Variants in RB1CC1 observed in about 807,000 individuals in gnomAD.
RB1CC1 encodes RB1 inducible coiled-coil 1, also known as RB1-inducible coiled-coil protein 1.
A neutral mutation model predicts 177.5 loss-of-function variants in RB1CC1; 46 were observed. That is an observed-to-expected ratio of 0.26 (90% CI 0.20 to 0.33). The LOEUF is 0.33. Ranked by LOEUF, RB1CC1 falls within the 10% of genes least tolerant of loss-of-function variation. RB1CC1 has a pLI of 1.00. For missense variants in RB1CC1, 1,703 were observed against 1,816.3 expected, an observed-to-expected ratio of 0.94 and a Z score of 1.13; for synonymous variants, 666 against 613.6, an observed-to-expected ratio of 1.09 and a Z score of -1.26.
intron 18 of RB1CC1, among the ~76,000 whole-genome samples, chr8:52,641,405 T>TTAAAA (rs754857648): frequency 1.1e-4 from 14 of 126,124 alleles, no homozygotes; most frequent in South Asian, 7.5e-4. Flanking sequence ...AAAAAAAAAA[T>TTAAAA]TAAAATAAAA....
intron 21 of RB1CC1, among the ~76,000 whole-genome samples, chr8:52,629,385 T>C (rs1287308390): frequency 6.6e-6 from 1 of 152,172 alleles, no homozygotes; most frequent in Non-Finnish European, 1.5e-5. Flanking sequence ...ATTTTAACTA[T>C]GGGGTAATAC....
chr8:52,635,369 C>T (rs1191210825), intron 19 of RB1CC1, among the ~76,000 whole-genome samples: 1 of 152,048 alleles, frequency 6.6e-6, no homozygotes, highest in African/African-American at 2.4e-5. Flanking sequence ...AGAAAACATG[C>T]TATATTCAAA....
intron 7 of RB1CC1, among the ~76,000 whole-genome samples, chr8:52,672,668 C>T (rs1267147839): frequency 1.3e-5 from 2 of 152,098 alleles, no homozygotes; most frequent in Non-Finnish European, 2.9e-5. Context: ...GTTGCCTGAG[C>T]CTGGGAGGTG....
Position 52,702,454 on chromosome 8 carries a change from T to C in RB1CC1, c.-167+11621A>G, listed in dbSNP as rs150156311. On this transcript the variant is annotated intron_variant, in intron 1 of 23. Transcript: ENST00000025008. ...AAAACAGGCCAGGCACAGTGGTTCA[T>C]GCCTGTAATTCCAGCACTTTGGGAG... Among the ~76,000 whole-genome samples, 4 of 152,262 alleles carry C rather than the reference T, an allele frequency of 2.6e-5. No homozygotes were observed. The East Asian group carries it at 7.7e-4, about 29-fold the overall frequency.
At chr8:52,661,496 T>C in intron 9 of RB1CC1, 39 bp downstream of exon 9, 1 of 1,527,084 alleles carries the variant, frequency 6.5e-7, no homozygotes. Flanking sequence ...TAAATACCAA[T>C]TCTAAACATC....
intron 5 of RB1CC1, among the ~76,000 whole-genome samples, chr8:52,682,597 CTCTT>C (rs762589336): frequency 6.6e-6 from 1 of 151,772 alleles, no homozygotes; most frequent in East Asian, 1.9e-4. Flanking sequence ...GTTTTAATTG[CTCTT>C]TCTAATCACT....
chr8:52,659,000 TAAA>T (rs776024120), intron 12 of RB1CC1, 24 bp from the exon 13 acceptor site: 2 of 1,403,844 alleles, frequency 1.4e-6, no homozygotes, highest in African/African-American at 1.5e-5. Flanking sequence ...ATTAATTACT[TAAA>T]AAATTTTTTT....
In RB1CC1 at chr8:52,674,144, T is replaced by C; in HGVS notation, c.703A>G (p.Lys235Glu). ...GAGAGCACCAGTTCAGTGGATCTTT[T>C]CATCTCAGCTTTTTCTGAGTCTTCA... Reference protein sequence around the residue: ...EHEDSEKAEMKRSTELVLSPD... With the variant: ...EHEDSEKAEMERSTELVLSPD... Residue 235 changes from lysine (K) to glutamate (E), a missense_variant, in exon 7 of 24, where the codon AAA becomes GAA. Lys to Glu is a moderately conservative substitution (Grantham distance 56). This residue lies in a region of RB1CC1 where 315 missense variants were observed against 304.9 expected (regional missense o/e 1.03). Transcript: ENST00000025008. The C allele has an allele frequency of 6.2e-7, 1 of 1,614,066 alleles. No individual in the cohort carries two copies. Among genetic ancestry groups the C allele is most frequent in the Non-Finnish European group, 8.5e-7 (1 of 1,179,924 alleles).
intron 16 of RB1CC1, among the ~76,000 whole-genome samples, chr8:52,643,696 CAAAAAAAA>C (rs34520917): frequency 1.5e-4 from 12 of 81,092 alleles, no homozygotes; most frequent in African/African-American, 2.9e-4. Flanking sequence ...CTCTAAGAGG[CAAAAAAAA>C]AAAAAAAAAA....
chr8:52,658,037 T>G lies in RB1CC1; in HGVS notation c.1881A>C (p.Glu627Asp). 9 of 1,614,112 alleles carry G rather than the reference T, an allele frequency of 5.6e-6. No individual in the cohort carries two copies. Among genetic ancestry groups the G allele is most frequent in the Non-Finnish European group, 6.8e-6 (8 of 1,180,002 alleles). ...GTAGATCTGTAATGGTCTGTGACATTTCATCCAAACTTTGTGCTGCTTTTA... is the reference window on the plus strand; with the variant it reads ...GTAGATCTGTAATGGTCTGTGACATGTCATCCAAACTTTGTGCTGCTTTTA... Reference protein sequence around the residue: ...NLVKAAQSLDEMSQTITDLLS... With the variant: ...NLVKAAQSLDDMSQTITDLLS... Residue 627 changes from glutamate to aspartate, a missense_variant, in exon 14 of 24, where the codon GAA becomes GAC. Physicochemically the swap from Glu to Asp is conservative, Grantham distance 45 (BLOSUM62 2). Coordinates refer to ENST00000025008, the MANE Select transcript of RB1CC1 (RefSeq NM_014781.5).
chr8:52,682,202 G>A (rs1354906435), intron 5 of RB1CC1, among the ~76,000 whole-genome samples: 1 of 152,188 alleles, frequency 6.6e-6, no homozygotes, highest in Non-Finnish European at 1.5e-5. Context: ...AGTCAAAGGA[G>A]ATGATTTTGG....
At chr8:52,707,556 C>T (rs1221469756) in intron 1 of RB1CC1, among the ~76,000 whole-genome samples, 1 of 151,018 alleles carries the variant, frequency 6.6e-6, no homozygotes, top group Non-Finnish European at 1.5e-5. Flanking sequence ...AATGACATAA[C>T]CCTTACTTAG....
In RB1CC1 at chr8:52,685,460, A is replaced by G. The variant is rs1183221916; in HGVS notation, c.10T>C (p.Tyr4His). The change falls in exon 3 of 24, where the codon TAT (tyrosine) becomes CAT (histidine). Residue 4 changes from tyrosine to histidine, a missense_variant. Physicochemically the swap from Tyr to His is moderately conservative, Grantham distance 83. This residue lies in a region of RB1CC1 where 118 missense variants were observed against 121.2 expected (regional missense o/e 0.97). Coordinates refer to ENST00000025008, the MANE Select transcript of RB1CC1 (RefSeq NM_014781.5). ...GTTCCAGTGTTAACCAGAAATACAT[A>G]TAACTTCATGATGATTTATCTGAAT... MKL[Y>H]VFLVNTGTTL... 11 of 1,588,762 alleles carry G rather than the reference A, an allele frequency of 6.9e-6. No homozygotes were observed. Among genetic ancestry groups the G allele is most frequent in the East Asian group, 4.5e-5 (2 of 44,680 alleles).
chr8:52,708,690 A>G (rs1183600762), intron 1 of RB1CC1, among the ~76,000 whole-genome samples: 2 of 151,964 alleles, frequency 1.3e-5, no homozygotes, highest in Non-Finnish European at 2.9e-5. Flanking sequence ...GGGGGGAAAA[A>G]CCTATCTCTC....
At chr8:52,651,423 C>A (rs1188672282) in intron 15 of RB1CC1, among the ~76,000 whole-genome samples, 4 of 152,192 alleles carry the variant, frequency 2.6e-5, no homozygotes, top group African/African-American at 4.8e-5. Context: ...GGCCATTTGG[C>A]CCACAAAACT....
rs1854785943 is a variant in RB1CC1, at chr8:52,690,801, TG to T, written c.-166-3835del. ...ACTCAGATCACCAACTGTGAACACT[TG>T]TGTTCTATTTATCACTTGTGTCAGT... On this transcript the variant is annotated intron_variant, in intron 1 of 23. Transcript: ENST00000025008. Among the ~76,000 whole-genome samples the T allele has an allele frequency of 2.0e-5, 3 of 152,220 alleles. No homozygotes were observed. The South Asian group carries it at 6.2e-4, about 32-fold the overall frequency.
intron 8 of RB1CC1, among the ~76,000 whole-genome samples, chr8:52,664,524 T>A (rs1851897712): frequency 2.6e-5 from 4 of 152,150 alleles, no homozygotes; most frequent in African/African-American, 9.6e-5. Flanking sequence ...CTACCATAGT[T>A]TAAAACAATA....
intron 21 of RB1CC1, among the ~76,000 whole-genome samples, chr8:52,628,964 G>A (rs1166635690): frequency 1.3e-5 from 2 of 152,200 alleles, no homozygotes; most frequent in African/African-American, 2.4e-5. Flanking sequence ...GGCAGGCACT[G>A]TTTTGGCTAA....
At chr8:52,628,005 A>G (rs1848515193) in intron 22 of RB1CC1, 27 bp downstream of exon 22, 8 of 1,534,438 alleles carry the variant, frequency 5.2e-6, no homozygotes, top group East Asian at 2.4e-5. Context: ...TTCCAGGTTT[A>G]TATTTTAGTC....
Sources: allele counts gnomAD v4.1 joint callset (sites outside exome capture counted in the v4.1 genomes callset), GRCh38; gene constraint gnomAD v4.1.1; regional missense constraint gnomAD v4.1.1; transcripts MANE v1.5; gene names NCBI Gene and HGNC (gene_info 2026-07-23, HGNC 2026-07-21).